Variants in MED14 observed in about 807,000 individuals in gnomAD.
The protein encoded by MED14 is mediator of RNA polymerase II transcription subunit 14.
MED14 carries 8 observed loss-of-function variants against 109.0 expected under a neutral mutation model. The observed-to-expected ratio is 0.07, with a 90% CI of 0.04 to 0.13. The LOEUF is 0.13. MED14 is among the 10% of genes least tolerant of loss of function. MED14 has a pLI of 1.00. For synonymous variants in MED14, 399 were observed against 408.7 expected (o/e 0.98, Z 0.29); for missense variants, 711 against 1,142.4 (o/e 0.62, Z 5.44).
At position 40,692,784 on chromosome X, in the gene MED14, T is replaced by G; in HGVS notation, c.1769A>C (p.Gln590Pro). ...CAAGTCCTGAATGTTTTCCTTGAAC[T>G]GCTGCAGCAGCAATGCCATTGCAGG... The part of the protein sequence containing the change: ...DSPAMALLLQ[Q>P]FKENIQDLVF... Residue 590 changes from glutamine to proline, a missense_variant, in exon 14 of 31, where the codon CAG becomes CCG. Physicochemically the swap from Gln to Pro is moderately conservative, Grantham distance 76. This residue lies in a region of MED14 where 388 missense variants were observed against 517.3 expected (regional missense o/e 0.75). Transcript: ENST00000324817. The G allele has an allele frequency of 1.7e-6, 2 of 1,210,192 alleles. No individual in the cohort carries two copies. The highest frequency in any genetic ancestry group is 2.2e-6 in the Non-Finnish European group (2 of 895,057).
At chrX:40,720,755 G>A (rs1262383584) in intron 3 of MED14, among the ~76,000 whole-genome samples, 1 of 108,946 alleles carries the variant, frequency 9.2e-6, no homozygotes, top group Non-Finnish European at 1.9e-5. Context: ...TCTGCTTGAG[G>A]AGAGGAGAGC....
chrX:40,719,784 T>C (rs1025407986), intron 3 of MED14, among the ~76,000 whole-genome samples: 3 of 111,932 alleles, frequency 2.7e-5, no homozygotes, highest in African/African-American at 9.7e-5. Context: ...AGTGGGTGAA[T>C]AGTATGGTAT....
intron 28 of MED14, among the ~76,000 whole-genome samples, 179 bp from the exon 29 acceptor site, chrX:40,655,239 C>T (rs1475422227): frequency 3.6e-5 from 4 of 111,833 alleles, no homozygotes; most frequent in African/African-American, 1.3e-4. Flanking sequence ...GAAAAGTCAA[C>T]TGTGGACTTA....
intron 22 of MED14, among the ~76,000 whole-genome samples, chrX:40,674,592 C>T (rs1389789931): frequency 1.8e-5 from 2 of 111,941 alleles, no homozygotes; most frequent in Non-Finnish European, 3.8e-5. Flanking sequence ...CTGAAGACTC[C>T]GGCCCAGAGT....
At chrX:40,722,859 T>G (rs1308072707) in intron 3 of MED14, among the ~76,000 whole-genome samples, 4 of 111,965 alleles carry the variant, frequency 3.6e-5, no homozygotes, top group African/African-American at 9.7e-5. Flanking sequence ...TACCCTAGGA[T>G]AGTATATCCG....
chrX:40,733,945 G>A (rs964150664), intron 1 of MED14, among the ~76,000 whole-genome samples: 7 of 111,574 alleles, frequency 6.3e-5, no homozygotes, highest in Non-Finnish European at 9.4e-5. Context: ...CTTATTCTAC[G>A]GCAATAAAAC....
chrX:40,713,033 C>T lies in MED14; in HGVS notation c.662G>A (p.Arg221Gln). The T allele has an allele frequency of 4.3e-6, 5 of 1,162,578 alleles. No homozygotes were observed. Among genetic ancestry groups the T allele is most frequent in the East Asian group, 3.0e-5 (1 of 33,029 alleles). Residue 221 changes from arginine to glutamine, a missense_variant, in exon 6 of 31, where the codon CGG becomes CAG. Transcript: ENST00000324817. ...TTCTCCTTCAACACGAAACTTCACC[C>T]GGCCATTTGCTTTTAGAAGAAAAAG... The part of the protein sequence containing the change: ...QLANLTVANG[R>Q]VKFRVEGEFE...
intron 15 of MED14, among the ~76,000 whole-genome samples, chrX:40,688,916 T>C (rs1930394669): frequency 8.9e-6 from 1 of 112,495 alleles, no homozygotes; most frequent in Non-Finnish European, 1.9e-5. Context: ...GTCACTGTCA[T>C]AGCTTATTTC....
At chrX:40,665,532 CAAAAA>C (rs1219873528) in intron 24 of MED14, among the ~76,000 whole-genome samples, 1 of 109,473 alleles carries the variant, frequency 9.1e-6, no homozygotes, top group Non-Finnish European at 1.9e-5. Flanking sequence ...GACTCTGTCT[CAAAAA>C]AAACAAAACA....
chrX:40,649,617 G>A lies in MED14; in HGVS notation c.*2189C>T. 1.1e-6 allele frequency: 1 copy of A among 945,657 alleles called. No homozygotes were observed. Among genetic ancestry groups the A allele is most frequent in the Non-Finnish European group, 1.3e-6 (1 of 741,923 alleles). The allele number at this position is 945,657 out of a possible 1,213,427, so 77.9% of individuals were successfully genotyped here. On this transcript the variant is annotated 3_prime_UTR_variant, in exon 31 of 31. Transcript: ENST00000324817. ...CACATTGAAAACACCTTAAAGTTAAGTCCCAACCCGATTATTAGAGAAAAT... is the reference window on the plus strand; with the variant it reads ...CACATTGAAAACACCTTAAAGTTAAATCCCAACCCGATTATTAGAGAAAAT...
chrX:40,651,472 C>T lies in MED14; in HGVS notation c.*334G>A, dbSNP rs1928871360. ...AACAAAAACCAAAAAAGGACTATTA[C>T]ACCCAAAACATAAGAAAACAATTAA... On this transcript the variant is annotated 3_prime_UTR_variant, in exon 31 of 31. Transcript: ENST00000324817. 2 of 776,174 alleles carry T rather than the reference C, an allele frequency of 2.6e-6. No individual in the cohort carries two copies. Among genetic ancestry groups the T allele is most frequent in the Admixed American group, 1.6e-4 (2 of 12,585 alleles). 64.0% of individuals were successfully genotyped at this position (776,174 alleles called of 1,213,427 possible). A position where few individuals can be genotyped will look rare whatever the true frequency, so the allele number is the denominator to read the frequency against.
In MED14 at chrX:40,679,833, T is replaced by G. The variant is rs377696018; in HGVS notation, c.2880+31A>C. The G allele has an allele frequency of 5.5e-5, 65 of 1,181,409 alleles. No homozygotes were observed. The African/African-American group carries it at 1.1e-3, about 21-fold the overall frequency. On this transcript the variant is annotated intron_variant, in intron 21 of 30. Coordinates refer to ENST00000324817, the MANE Select transcript of MED14 (RefSeq NM_004229.4). ...ACTATTTTAGAGATAATTTTTATGT[T>G]TACTCATGTTATAACACTAAAGTCT...
intron 1 of MED14, among the ~76,000 whole-genome samples, chrX:40,730,940 C>A (rs920659003): frequency 9.3e-6 from 1 of 107,573 alleles, no homozygotes; most frequent in Non-Finnish European, 1.9e-5. Flanking sequence ...CGCTTGAGTC[C>A]GGGAGTTTGG....
At chrX:40,657,786 TTGAC>T (rs372160186) in intron 28 of MED14, among the ~76,000 whole-genome samples, 3 of 111,711 alleles carry the variant, frequency 2.7e-5, no homozygotes, top group Admixed American at 9.5e-5. Context: ...GCACTTCAGA[TTGAC>T]TGACTGATTG....
At chrX:40,713,952 A>ATT in intron 4 of MED14, 45 bp from the exon 5 acceptor site, 2 of 1,104,810 alleles carry the variant, frequency 1.8e-6, no homozygotes, top group Non-Finnish European at 2.4e-6. Context: ...ACAAACGGGG[A>ATT]TTTTTTTTTT....
chrX:40,727,471 A>C (rs925107982), intron 2 of MED14, among the ~76,000 whole-genome samples: 6 of 111,690 alleles, frequency 5.4e-5, no homozygotes, highest in African/African-American at 9.8e-5. Context: ...TATGTTGAGT[A>C]CTAAAAATAA....
intron 1 of MED14, among the ~76,000 whole-genome samples, chrX:40,730,878 C>T (rs1932055838): frequency 1.1e-5 from 1 of 89,896 alleles, no homozygotes; most frequent in African/African-American, 4.4e-5. Flanking sequence ...TGGCTCACAC[C>T]TGTAATCCCA....
chrX:40,683,483 G>A (rs1337423669), intron 16 of MED14, among the ~76,000 whole-genome samples: 3 of 112,195 alleles, frequency 2.7e-5, no homozygotes, highest in Non-Finnish European at 3.8e-5. Context: ...TACCTTATGT[G>A]TCATTGACGA....
At chrX:40,668,693 CAGAT>C (rs1929614042) in intron 23 of MED14, among the ~76,000 whole-genome samples, 2 of 112,020 alleles carry the variant, frequency 1.8e-5, no homozygotes, top group Non-Finnish European at 3.8e-5. Context: ...CCTGAAACCT[CAGAT>C]AGTATTGAAA....
Sources: allele counts gnomAD v4.1 joint callset (sites outside exome capture counted in the v4.1 genomes callset), GRCh38; gene constraint gnomAD v4.1.1; regional missense constraint gnomAD v4.1.1; transcripts MANE v1.5; gene names NCBI Gene and HGNC (gene_info 2026-07-23, HGNC 2026-07-21).